SLC4A8: variants seen among roughly 807,000 people sequenced by gnomAD.
The protein encoded by SLC4A8 is solute carrier family 4 member 8, also known as electroneutral sodium bicarbonate exchanger 1.
In SLC4A8, 40 loss-of-function variants were observed where a neutral mutation model predicts 125.0. The ratio of observed to expected loss-of-function variants is 0.32; its 90% CI spans 0.25 to 0.42. SLC4A8 has a LOEUF of 0.42. Ranked by LOEUF, SLC4A8 falls within the 10% of genes least tolerant of loss-of-function variation. The pLI is 1.00. For synonymous variants in SLC4A8, 456 were observed against 476.0 expected (o/e 0.96, Z 0.55); for missense variants, 863 against 1,355.1 (o/e 0.64, Z 5.70).
chr12:51,444,083 G>T (rs934977742), intron 2 of SLC4A8, among the ~76,000 whole-genome samples: 17 of 152,038 alleles, frequency 1.1e-4, no homozygotes, highest in African/African-American at 3.6e-4. Flanking sequence ...TTGGAAAAAA[G>T]AATGACGAGT....
At chr12:51,505,772 A>G in intron 23 of SLC4A8, 63 bp from the exon 24 acceptor site, 1 of 747,698 alleles carries the variant, frequency 1.3e-6, no homozygotes, top group East Asian at 2.6e-5. Context: ...AGTGATCATT[A>G]TAGACTGTGG....
chr12:51,427,499 G>T (rs1949031044), intron 1 of SLC4A8, among the ~76,000 whole-genome samples: 1 of 152,184 alleles, frequency 6.6e-6, no homozygotes, highest in Non-Finnish European at 1.5e-5. Flanking sequence ...AATACAATGG[G>T]AACAGTAGGA....
upstream of SLC4A8, among the ~76,000 whole-genome samples, chr12:51,421,024 G>T (rs1458141165): frequency 6.6e-6 from 1 of 152,170 alleles, no homozygotes; most frequent in African/African-American, 2.4e-5. Flanking sequence ...TATGATGTGT[G>T]TGTGTGTGTG....
At chr12:51,426,104 A>T (rs1046902328) in intron 1 of SLC4A8, among the ~76,000 whole-genome samples, 1 of 152,184 alleles carries the variant, frequency 6.6e-6, no homozygotes, top group African/African-American at 2.4e-5. Flanking sequence ...AACAAGTGCC[A>T]TGTTGACCTC....
intron 1 of SLC4A8, among the ~76,000 whole-genome samples, chr12:51,393,890 GC>G (rs1455665373): frequency 6.6e-6 from 1 of 152,200 alleles, no homozygotes; most frequent in Non-Finnish European, 1.5e-5. Context: ...TGCCCCAGCT[GC>G]TTCTATTCTT....
chr12:51,459,087 T>C (rs1293943709), intron 7 of SLC4A8, among the ~76,000 whole-genome samples: 1 of 152,182 alleles, frequency 6.6e-6, no homozygotes, highest in African/African-American at 2.4e-5. Context: ...ATCTGAGGCC[T>C]TCTGTAGCAG....
chr12:51,476,647 C>A (rs1307618917), intron 16 of SLC4A8, among the ~76,000 whole-genome samples: 3 of 152,102 alleles, frequency 2.0e-5, no homozygotes, highest in East Asian at 3.9e-4. Context: ...GGCGAGAGAT[C>A]TACCATCAGT....
At chr12:51,493,187 C>T (rs1045172634) in intron 19 of SLC4A8, among the ~76,000 whole-genome samples, 31 of 152,180 alleles carry the variant, frequency 2.0e-4, no homozygotes, top group African/African-American at 7.5e-4. Context: ...TGTTCAAGTG[C>T]AGTATAATAA....
intron 11 of SLC4A8, 143 bp downstream of exon 11, chr12:51,463,857 C>G (rs1730286542): frequency 1.7e-6 from 1 of 593,734 alleles, no homozygotes; most frequent in Non-Finnish European, 3.0e-6. Context: ...GAACCACTGA[C>G]TAGAAGTATT....
chr12:51,466,781 C>T (rs1318240327), intron 11 of SLC4A8, among the ~76,000 whole-genome samples: 3 of 152,152 alleles, frequency 2.0e-5, no homozygotes, highest in African/African-American at 7.2e-5. Context: ...TCAGATCTTT[C>T]CCCGCCTTTT....
intron 16 of SLC4A8, 129 bp downstream of exon 16, chr12:51,475,335 T>G: frequency 1.2e-6 from 1 of 826,642 alleles, no homozygotes; most frequent in Non-Finnish European, 2.0e-6. Context: ...TGAGCCACAC[T>G]GGCATTCTCT....
chr12:51,474,291 A>T (rs1370197751), intron 14 of SLC4A8, 51 bp from the exon 15 acceptor site: 3 of 1,191,828 alleles, frequency 2.5e-6, no homozygotes, highest in Admixed American at 3.6e-5. Context: ...AAAACATTTA[A>T]CTGAGTATTT....
At chr12:51,493,384 T>TTGTGTG (rs747205789) in intron 19 of SLC4A8, among the ~76,000 whole-genome samples, 11 of 149,350 alleles carry the variant, frequency 7.4e-5, no homozygotes, top group Non-Finnish European at 1.2e-4. Flanking sequence ...AGGGGTGCGT[T>TTGTGTG]TGTGTGTGTG....
chr12:51,401,655 T>A (rs1948396490), intron 1 of SLC4A8, among the ~76,000 whole-genome samples: 1 of 152,172 alleles, frequency 6.6e-6, no homozygotes, highest in Non-Finnish European at 1.5e-5. Context: ...GGGGTTTTTA[T>A]AGGCACAGGA....
chr12:51,452,133 C>G lies in SLC4A8; in HGVS notation c.287C>G (p.Ser96Cys). The G allele has an allele frequency of 1.2e-6, 2 of 1,614,128 alleles. No homozygotes were observed. Among genetic ancestry groups the G allele is most frequent in the Non-Finnish European group, 8.5e-7 (1 of 1,179,952 alleles). The stretch of plus-strand genomic sequence containing the variant: ...TTGGTTGATTTCCTAGACACACCAT[C>G]TCAGCGTGTTCAGTTCATTCTTGGC... ...GLEALAHDTP[S>C]QRVQFILGTE... Residue 96 changes from serine to cysteine, a missense_variant, in exon 4 of 25, where the codon TCT (serine) becomes TGT (cysteine). Physicochemically the swap from Ser to Cys is moderately radical, Grantham distance 112. Around this residue, in one of 6 missense-constraint regions of SLC4A8, gnomAD observed 390 missense variants for 634.4 expected, o/e 0.61. Coordinates refer to ENST00000453097, the MANE Select transcript of SLC4A8 (RefSeq NM_001039960.3).
At chr12:51,497,227 T>G (rs778724022) in intron 22 of SLC4A8, 103 bp downstream of exon 22, 1 of 1,233,688 alleles carries the variant, frequency 8.1e-7, no homozygotes, top group Middle Eastern at 2.0e-4. Context: ...AGGGTTATAT[T>G]TAGGAGCTGG....
intron 16 of SLC4A8, among the ~76,000 whole-genome samples, chr12:51,476,044 G>A (rs145689394): frequency 3.5e-4 from 54 of 152,322 alleles, no homozygotes; most frequent in African/African-American, 1.3e-3. Context: ...GAAGGCCTGG[G>A]TTACATGTAC....
chr12:51,486,247 C>T (rs1483177984), intron 17 of SLC4A8, among the ~76,000 whole-genome samples: 1 of 152,112 alleles, frequency 6.6e-6, no homozygotes, highest in African/African-American at 2.4e-5. Flanking sequence ...GTCTCTGGAA[C>T]AAGCCTCGTT....
chr12:51,459,907 G>C (rs1248872415), intron 7 of SLC4A8, 44 bp from the exon 8 acceptor site: 1 of 1,535,144 alleles, frequency 6.5e-7, no homozygotes, highest in Non-Finnish European at 8.9e-7. Flanking sequence ...CGATATTTAA[G>C]GTGGTGGTTC....
Sources: allele counts gnomAD v4.1 joint callset (sites outside exome capture counted in the v4.1 genomes callset), GRCh38; gene constraint gnomAD v4.1.1; regional missense constraint gnomAD v4.1.1; transcripts MANE v1.5; gene names NCBI Gene and HGNC (gene_info 2026-07-23, HGNC 2026-07-21).